The following VAC14 variants were observed in gnomAD, a reference collection of about 807,000 sequenced individuals.
VAC14 encodes the protein protein VAC14 homolog.
In VAC14, 47 loss-of-function variants were observed where a neutral mutation model predicts 85.3. The observed-to-expected ratio is 0.55, with a 90% CI of 0.44 to 0.70. VAC14 has a LOEUF of 0.70. VAC14 is among the 30% of genes least tolerant of loss of function. The pLI is 0.00. For synonymous variants in VAC14, 447 were observed against 430.5 expected, an observed-to-expected ratio of 1.04 and a Z score of -0.47; for missense variants, 861 against 1,004.3, an observed-to-expected ratio of 0.86 and a Z score of 1.93.
At chr16:70,781,056 T>C (rs1175747828) in intron 8 of VAC14, 117 bp from the exon 9 acceptor site, 1 of 1,420,464 alleles carries the variant, frequency 7.0e-7, no homozygotes, top group Non-Finnish European at 9.6e-7. Flanking sequence ...GTTTCGGTCA[T>C]GGGGGTGGAT....
intron 17 of VAC14, 91 bp from the exon 18 acceptor site, chr16:70,693,062 C>G: frequency 6.8e-7 from 1 of 1,480,326 alleles, no homozygotes; most frequent in Non-Finnish European, 9.0e-7. Context: ...GCCAGGACCA[C>G]CTGGGACTTG....
rs533552373 is a variant in VAC14 at position 70,762,342 on chromosome 16, A to G, written c.1371+198T>C. 6.6e-6 allele frequency among the ~76,000 whole-genome samples: 1 copy of G among 152,146 alleles called. No individual in the cohort carries two copies. Among genetic ancestry groups the G allele is most frequent in the Admixed American group, 6.5e-5 (1 of 15,274 alleles). ...AGGCTAGTCTCGAACTCCTGGCCTC[A>G]AGTGATCCACCCACCTTGGCCTCCC... On this transcript the variant is annotated intron_variant, in intron 12 of 18. Transcript: ENST00000261776. This position sits in a 1 kb window ranked among gnomAD's most constrained non-coding sequence, Gnocchi z 4.1.
At chr16:70,689,422 G>C in intron 18 of VAC14, 1 of 985,390 alleles carries the variant, frequency 1.0e-6, no homozygotes, top group African/African-American at 1.7e-5. Context: ...TCTTGGCCAT[G>C]AGTTCAGTCC....
intron 12 of VAC14, among the ~76,000 whole-genome samples, chr16:70,759,030 C>A (rs965377442): frequency 6.6e-6 from 1 of 152,142 alleles, no homozygotes; most frequent in Non-Finnish European, 1.5e-5. Context: ...CAATGGCAGA[C>A]GAGACACCCC....
chr16:70,706,066 C>T (rs545352485), intron 14 of VAC14, among the ~76,000 whole-genome samples: 1 of 152,348 alleles, frequency 6.6e-6, no homozygotes, highest in Non-Finnish European at 1.5e-5. Flanking sequence ...TCTGGTGGTG[C>T]TCATTTCCCA....
intron 18 of VAC14, chr16:70,688,359 G>C: frequency 1.8e-6 from 2 of 1,125,740 alleles, no homozygotes; most frequent in Non-Finnish European, 2.2e-6. Context: ...CCCAGAGCAG[G>C]CATCGCATTG....
rs1266924158 is a variant in VAC14, at chr16:70,785,940, G to T, written c.256-71C>A. 6 of 1,501,214 alleles carry T rather than the reference G, an allele frequency of 4.0e-6. No homozygotes were observed. The Admixed American group carries it at 1.0e-4, about 26-fold the overall frequency. The allele number at this position is 1,501,214 out of a possible 1,614,324, so 93.0% of individuals were successfully genotyped here. On this transcript the variant is annotated intron_variant, in intron 2 of 18. Transcript: ENST00000261776. Reference sequence around the variant, plus strand: ...CCAGGCCCTGCAGCCTGCAGTGCCAGCTGACATCCCAGCTCCCTTGAAGGT... The same window carrying T: ...CCAGGCCCTGCAGCCTGCAGTGCCATCTGACATCCCAGCTCCCTTGAAGGT...
rs1232526503 is a variant in VAC14 at position 70,783,375 on chromosome 16, G to C, written c.704+70C>G. The C allele has an allele frequency of 4.0e-6, 6 of 1,497,710 alleles. No homozygotes were observed. In the East Asian group the frequency reaches 1.4e-4, roughly 34 times the overall value. 92.8% of individuals were successfully genotyped at this position (1,497,710 alleles called of 1,614,324 possible). A position where few individuals can be genotyped will look rare whatever the true frequency, so the allele number is the denominator to read the frequency against. On this transcript the variant is annotated intron_variant, in intron 6 of 18. Coordinates refer to ENST00000261776, the MANE Select transcript of VAC14 (RefSeq NM_018052.5). ...TGCCCTCCTGCCGCGGCCTCTCTGT[G>C]GGCATGAAGCACATGGGCACAGCTG...
intron 14 of VAC14, among the ~76,000 whole-genome samples, chr16:70,701,667 C>CA (rs1349904744): frequency 6.6e-6 from 1 of 152,186 alleles, no homozygotes; most frequent in Non-Finnish European, 1.5e-5. Flanking sequence ...AATCCTAAAA[C>CA]AGGCCCATCA....
intron 1 of VAC14, among the ~76,000 whole-genome samples, chr16:70,800,165 C>T (rs186595213): frequency 1.1e-4 from 17 of 152,288 alleles, no homozygotes; most frequent in African/African-American, 3.8e-4. Flanking sequence ...GTTAAACTTT[C>T]GCTGTTTTGT....
chr16:70,766,821 G>A (rs1185653320), intron 10 of VAC14, among the ~76,000 whole-genome samples: 1 of 152,174 alleles, frequency 6.6e-6, no homozygotes, highest in Non-Finnish European at 1.5e-5. Context: ...CTGCTGGGCA[G>A]GGTTGGCTGC....
chr16:70,712,501 T>C (rs1171422070), intron 14 of VAC14, among the ~76,000 whole-genome samples: 2 of 152,000 alleles, frequency 1.3e-5, no homozygotes, highest in African/African-American at 2.4e-5. Flanking sequence ...GCTGGGAGCG[T>C]AGAGGCAGTG....
chr16:70,711,451 C>T lies in VAC14; in HGVS notation c.1662-12640G>A, dbSNP rs192141184. On this transcript the variant is annotated intron_variant, in intron 14 of 18. Transcript: ENST00000261776. The stretch of plus-strand genomic sequence containing the variant: ...TGTGCAGAGTCTGGGTCCTGGTTTA[C>T]GTTTCTGCTTGGCATTTCACTGTTT... 1.5e-3 allele frequency among the ~76,000 whole-genome samples: 229 copies of T among 152,036 alleles called. 1 individual carries two copies. The highest frequency in any genetic ancestry group is 0.013 in the Admixed American group (205 of 15,294).
At chr16:70,717,769 C>G (rs1175071767) in intron 14 of VAC14, among the ~76,000 whole-genome samples, 1 of 152,334 alleles carries the variant, frequency 6.6e-6, no homozygotes, top group East Asian at 1.9e-4. Context: ...GCCTCAGCCT[C>G]CTGAGTAGCT....
rs200811340 is a variant in VAC14, at chr16:70,774,376, G to A, written c.1097-2204C>T. Among the ~76,000 whole-genome samples the A allele has an allele frequency of 6.6e-4, 101 of 152,228 alleles. 2 individuals carry two copies. Among genetic ancestry groups the A allele is most frequent in the East Asian group, 1.9e-4 (1 of 5,172 alleles). On this transcript the variant is annotated intron_variant, in intron 9 of 18. Transcript: ENST00000261776. Reference sequence around the variant, plus strand: ...TTGCGCATCATTGGAGGGATGTCACGGAAGTGCTGCGCCTCAGTGCACCCT... The same window carrying A: ...TTGCGCATCATTGGAGGGATGTCACAGAAGTGCTGCGCCTCAGTGCACCCT...
intron 12 of VAC14, chr16:70,755,121 C>G: frequency 4.3e-6 from 1 of 234,836 alleles, no homozygotes. Context: ...GATCTGCACC[C>G]AGGCGGCTTC....
chr16:70,789,505 G>C (rs139778661), intron 1 of VAC14, among the ~76,000 whole-genome samples: 1 of 152,186 alleles, frequency 6.6e-6, no homozygotes, highest in African/African-American at 2.4e-5. Context: ...CTCACATCTG[G>C]GGCATTGGTG....
intron 14 of VAC14, among the ~76,000 whole-genome samples, chr16:70,718,585 A>AC (rs1296270936): frequency 8.0e-4 from 120 of 150,814 alleles, no homozygotes; most frequent in African/African-American, 2.1e-3. Context: ...AAAAAAAAAA[A>AC]AACAAAAAAA....
chr16:70,761,522 T>C (rs1196575816), intron 12 of VAC14, among the ~76,000 whole-genome samples: 1 of 152,202 alleles, frequency 6.6e-6, no homozygotes, highest in Non-Finnish European at 1.5e-5. Flanking sequence ...ACCCTGCCGC[T>C]TGGCTGGGAG....
Sources: gnomAD v4.1 joint callset for allele counts (sites outside exome capture counted in the v4.1 genomes callset) on GRCh38, gnomAD v4.1.1 for gene constraint, Gnocchi (gnomAD v3.1) non-coding constraint, MANE v1.5 for transcripts, NCBI Gene and HGNC (gene_info 2026-07-23, HGNC 2026-07-21) for gene names.